Variants in TYRP1 observed in about 807,000 individuals in gnomAD.
TYRP1 encodes the protein 5,6-dihydroxyindole-2-carboxylic acid oxidase.
Under a neutral mutation model 42.8 loss-of-function variants are expected in TYRP1, and 49 were observed. The observed-to-expected ratio is 1.14, with a 90% confidence interval of 0.91 to 1.45. The LOEUF is 1.45. TYRP1 is among the 40% of genes most tolerant of loss of function. The pLI is 0.00. For missense variants in TYRP1, 848 were observed against 662.0 expected, an observed-to-expected ratio of 1.28 and a Z score of -3.08; for synonymous variants, 279 against 235.4, an observed-to-expected ratio of 1.19 and a Z score of -1.69.
chr9:12,694,840 T>A (rs1818050633), intron 2 of TYRP1, among the ~76,000 whole-genome samples: 3 of 152,160 alleles, frequency 2.0e-5, no homozygotes, highest in African/African-American at 7.2e-5. Context: ...ATGATCAAAT[T>A]CAGCATTTGA....
At position 12,694,004 on chromosome 9, in the gene TYRP1, C is replaced by A; in HGVS notation, c.8C>A (p.Ala3Asp). Residue 3 changes from alanine (A) to aspartate (D), a missense_variant, in exon 2 of 8, where the codon GCT becomes GAT. By Grantham distance (126) the Ala-to-Asp change is moderately radical. Transcript: ENST00000388918. ...ACTCTTATTTCAAGCAGAATGAGTG[C>A]TCCTAAACTCCTCTCTCTGGGCTGT... is the stretch of plus-strand genomic sequence containing the variant. MS[A>D]PKLLSLGCIF... 2.3e-5 allele frequency: 37 copies of A among 1,614,000 alleles called. No individual in the cohort carries two copies. The highest frequency in any genetic ancestry group is 3.1e-5 in the Non-Finnish European group (37 of 1,179,992).
intron 4 of TYRP1, chr9:12,701,508 C>G (rs945329875): frequency 3.3e-5 from 5 of 151,930 alleles, no homozygotes; most frequent in African/African-American, 1.2e-4. Flanking sequence ...TTTCCTCTGC[C>G]TAAAATGTTT....
chr9:12,697,828 T>C (rs1168336659), intron 3 of TYRP1, among the ~76,000 whole-genome samples: 2 of 152,162 alleles, frequency 1.3e-5, no homozygotes, highest in African/African-American at 2.4e-5. Context: ...TTTTTATCAG[T>C]ATAAATTTAG....
Position 12,708,983 on chromosome 9 carries a change from A to T in TYRP1, c.1415A>T (p.Glu472Val), listed in dbSNP as rs575689381. The T allele has an allele frequency of 6.2e-7, 1 of 1,612,094 alleles. No homozygotes were observed. The highest frequency in any genetic ancestry group is 1.7e-5 in the Admixed American group (1 of 59,778). ...TATCTTCCTTTCCAAATAGGTCGGGAGTTTAGTGTACCTGAGATAATTGCC... is the reference window on the plus strand; with the variant it reads ...TATCTTCCTTTCCAAATAGGTCGGGTGTTTAGTGTACCTGAGATAATTGCC... ...YTYEIQWPSR[E>V]FSVPEIIAIA... Residue 472 changes from glutamate (E) to valine (V), a missense_variant, in exon 8 of 8, where the codon GAG (glutamate) becomes GTG (valine). Transcript: ENST00000388918.
At chr9:12,708,605 G>GT (rs573626165) in intron 7 of TYRP1, among the ~76,000 whole-genome samples, 4 of 151,930 alleles carry the variant, frequency 2.6e-5, no homozygotes, top group Admixed American at 2.6e-4. Flanking sequence ...AAGTTCAAAA[G>GT]TTTTTTGTTT....
rs1818069370 is a variant in TYRP1 at position 12,695,731 on chromosome 9, T to C, written c.602T>C (p.Leu201Pro). The C allele has an allele frequency of 1.2e-6, 2 of 1,614,170 alleles. No homozygotes were observed. Among genetic ancestry groups the C allele is most frequent in the Admixed American group, 1.7e-5 (1 of 60,022 alleles). Residue 201 changes from leucine (L) to proline (P), a missense_variant, in exon 3 of 8, where the codon CTT (leucine) becomes CCT (proline). Coordinates refer to ENST00000388918, the MANE Select transcript of TYRP1 (RefSeq NM_000550.3). Reference protein sequence around the residue: ...THYYSVKKTFLGVGQESFGEV... With the variant: ...THYYSVKKTFPGVGQESFGEV... ...TATTACTCAGTCAAAAAGACTTTCC[T>C]TGGGGTAGGACAGGAAAGCTTTGGT...
chr9:12,702,540 T>C (rs1287511604), intron 5 of TYRP1, 102 bp downstream of exon 5: 2 of 1,191,198 alleles, frequency 1.7e-6, no homozygotes, highest in African/African-American at 1.5e-5. Context: ...AGTATATTAA[T>C]CCTGTGTGTT....
intron 4 of TYRP1, among the ~76,000 whole-genome samples, chr9:12,702,044 T>TTTCC (rs1205565041): frequency 6.6e-6 from 1 of 152,078 alleles, no homozygotes; most frequent in Non-Finnish European, 1.5e-5. Flanking sequence ...GATTCTTTTT[T>TTTCC]TTCCTTCAGA....
chr9:12,695,540 T>C lies in TYRP1; in HGVS notation c.411T>C (p.Ser137=). The change falls in exon 3 of 8, where the codon AGT becomes AGC. Residue 137 remains serine (S), a synonymous_variant. Transcript: ENST00000388918. ...TCAGGAGAAATCTTCTGGACTTAAG[T>C]AAAGAAGAAAAGAACCACTTTGTCC... The part of the protein sequence containing the change: ...LIVRRNLLDL[S]KEEKNHFVRA... 1 of 1,614,024 alleles carries C rather than the reference T, an allele frequency of 6.2e-7. No homozygotes were observed. Among genetic ancestry groups the C allele is most frequent in the Non-Finnish European group, 8.5e-7 (1 of 1,179,978 alleles).
intron 6 of TYRP1, among the ~76,000 whole-genome samples, chr9:12,707,461 G>A (rs909265091): frequency 1.3e-5 from 2 of 151,862 alleles, no homozygotes; most frequent in African/African-American, 4.8e-5. Context: ...AGTCTCTATA[G>A]ACAAATAAAA....
chr9:12,705,164 CTTG>C (rs1208786404), intron 6 of TYRP1, among the ~76,000 whole-genome samples: 25 of 152,156 alleles, frequency 1.6e-4, no homozygotes, highest in African/African-American at 5.5e-4. Context: ...TTGTGTTCCA[CTTG>C]AAAAGTTAAT....
chr9:12,705,586 C>T (rs1338005707), intron 6 of TYRP1, among the ~76,000 whole-genome samples: 1 of 151,984 alleles, frequency 6.6e-6, no homozygotes, highest in Non-Finnish European at 1.5e-5. Context: ...TACACATAAG[C>T]CTGTAATCGC....
chr9:12,695,471 C>T (rs953539068), intron 2 of TYRP1, 44 bp from the exon 3 acceptor site: 1 of 1,590,086 alleles, frequency 6.3e-7, no homozygotes, highest in Non-Finnish European at 8.6e-7. Context: ...CTACCCATCC[C>T]CGCAAGGCAG....
At position 12,699,731 on chromosome 9, in the gene TYRP1, G is replaced by T. The variant is rs1407644002; in HGVS notation, c.913+1076G>T. Among the ~76,000 whole-genome samples, 3 of 152,058 alleles carry T rather than the reference G, an allele frequency of 2.0e-5. No individual in the cohort carries two copies. In the East Asian group the frequency reaches 5.8e-4, roughly 29 times the overall value. On this transcript the variant is annotated intron_variant, in intron 4 of 7. Transcript: ENST00000388918. ...GCTGAATGCATGATCCCACCTTGTGGCAGAGAACTGAAATTGAGGATCAGG... is the reference window on the plus strand; with the variant it reads ...GCTGAATGCATGATCCCACCTTGTGTCAGAGAACTGAAATTGAGGATCAGG...
rs1019870543 is a variant in TYRP1, at chr9:12,710,098, G to GTCT, written c.*921_*923dup. 6.6e-6 allele frequency: 1 copy of GTCT among 151,316 alleles called. No individual in the cohort carries two copies. Among genetic ancestry groups the GTCT allele is most frequent in the Non-Finnish European group, 1.5e-5 (1 of 67,688 alleles). 9.4% of individuals were successfully genotyped at this position (151,316 alleles called of 1,614,324 possible). The stretch of plus-strand genomic sequence containing the variant: ...AAAATATTAACATATTATTTCATTG[G>GTCT]TCTTCTTTTTTATCTGGTTCTATAT... On this transcript the variant is annotated 3_prime_UTR_variant, in exon 8 of 8. Coordinates refer to ENST00000388918, the MANE Select transcript of TYRP1 (RefSeq NM_000550.3).
chr9:12,707,640 A>C (rs1359631276), intron 6 of TYRP1: 2 of 215,500 alleles, frequency 9.3e-6, no homozygotes, highest in African/African-American at 4.7e-5. Context: ...GCCACAGCAA[A>C]TTACAGGTTT....
chr9:12,707,942 A>G, intron 6 of TYRP1, 55 bp from the exon 7 acceptor site: 3 of 1,521,024 alleles, frequency 2.0e-6, no homozygotes, highest in South Asian at 1.2e-5. Context: ...CTCAATAATG[A>G]TAGGAATATT....
rs1377897702 is a variant in TYRP1, at chr9:12,704,659, C to A, written c.1215C>A (p.Thr405=). The A allele has an allele frequency of 4.2e-5, 67 of 1,612,926 alleles. No individual in the cohort carries two copies. The highest frequency in any genetic ancestry group is 4.9e-5 in the Non-Finnish European group (58 of 1,179,430). The change falls in exon 6 of 8, where the codon ACC becomes ACA. Residue 405 remains threonine, a synonymous_variant. Transcript: ENST00000388918. ...ATCCTATTTTTGTCCTCCTGCACAC[C>A]TTCACAGATGCAGTCTTTGATGAAT... ...PNDPIFVLLH[T]FTDAVFDEWL...
At chr9:12,706,198 T>C (rs1000207051) in intron 6 of TYRP1, among the ~76,000 whole-genome samples, 1 of 152,020 alleles carries the variant, frequency 6.6e-6, no homozygotes, top group Non-Finnish European at 1.5e-5. Context: ...AAACATGCAC[T>C]TCTGGGAACT....
Sources: gnomAD v4.1 joint callset for allele counts (sites outside exome capture counted in the v4.1 genomes callset) on GRCh38, gnomAD v4.1.1 for gene constraint, MANE v1.5 for transcripts, NCBI Gene and HGNC (gene_info 2026-07-23, HGNC 2026-07-21) for gene names.